CD2: variants seen among roughly 807,000 people sequenced by gnomAD.
CD2 encodes the protein T-cell surface antigen CD2.
A neutral mutation model predicts 23.2 loss-of-function variants in CD2; 18 were observed. The observed-to-expected ratio is 0.77, with a 90% CI of 0.54 to 1.15. The LOEUF is 1.15. Among genes scored for constraint, CD2 ranks in the 50% most tolerant of loss-of-function variants. The pLI is 0.00. For missense variants in CD2, 424 were observed against 423.1 expected (o/e 1.00, Z -0.02); for synonymous variants, 162 against 151.9 (o/e 1.07, Z -0.49).
chr1:116,759,349 G>A (rs891660949), intron 2 of CD2, among the ~76,000 whole-genome samples: 1 of 151,810 alleles, frequency 6.6e-6, no homozygotes, highest in Non-Finnish European at 1.5e-5. Flanking sequence ...TGAAAAATAA[G>A]CTAGTCCATC....
chr1:116,758,568 T>C (rs1354307128), intron 2 of CD2, among the ~76,000 whole-genome samples: 3 of 152,102 alleles, frequency 2.0e-5, no homozygotes, highest in Middle Eastern at 3.4e-3. Flanking sequence ...TGTAGAAATG[T>C]AGTGGGGTTG....
At chr1:116,762,275 T>A (rs1230740395) in intron 3 of CD2, among the ~76,000 whole-genome samples, 4 of 152,200 alleles carry the variant, frequency 2.6e-5, no homozygotes, top group Admixed American at 2.0e-4. Flanking sequence ...TTGCATTATA[T>A]CTGGCAACCC....
chr1:116,756,605 T>C (rs1438793987), intron 2 of CD2, among the ~76,000 whole-genome samples: 2 of 152,090 alleles, frequency 1.3e-5, no homozygotes, highest in African/African-American at 4.8e-5. Context: ...ATTGAGATAA[T>C]TCATCTACCA....
Position 116,754,547 on chromosome 1 carries a change from T to C in CD2, c.55T>C (p.Ser19Pro), listed in dbSNP as rs778816590. The change falls in exon 1 of 5, where the codon TCC (serine) becomes CCC (proline). Residue 19 changes from serine (S) to proline (P), a missense_variant. Transcript: ENST00000369478. ...CTTCCTTCTGATTTTCAATGTTTCT[T>C]CCAAAGGTAAGCATAAGAGTCAAAG... is the stretch of plus-strand genomic sequence containing the variant. ...ASFLLIFNVS[S>P]KGAVSKEITN... The C allele has an allele frequency of 4.3e-6, 7 of 1,614,050 alleles. No individual in the cohort carries two copies. The Admixed American group carries it at 1.2e-4, about 27-fold the overall frequency.
rs78307101 is a variant in CD2, at chr1:116,767,920, G to T, written c.737-544G>T. On this transcript the variant is annotated intron_variant, in intron 4 of 4. Coordinates refer to ENST00000369478, the MANE Select transcript of CD2 (RefSeq NM_001767.5). ...TTCCCTCCTAAGGCCAAGAACATAG[G>T]TCTTGAATTTCTGAGAAGCGAGTAA... 7.5e-3 allele frequency among the ~76,000 whole-genome samples: 1,139 copies of T among 152,278 alleles called. 16 individuals carry two copies. Among genetic ancestry groups the T allele is most frequent in the African/African-American group, 0.026 (1,065 of 41,572 alleles).
chr1:116,754,732 G>A lies in CD2; in HGVS notation c.163G>A (p.Asp55Asn). 6.2e-7 allele frequency: 1 copy of A among 1,613,444 alleles called. No homozygotes were observed. The highest frequency in any genetic ancestry group is 8.5e-7 in the Non-Finnish European group (1 of 1,179,686). ...TAGTTTTCAAATGAGTGATGATATT[G>A]ACGATATAAAATGGGAAAAAACTTC... ...IPSFQMSDDIDDIKWEKTSDK... is the reference protein window; with the variant it reads ...IPSFQMSDDINDIKWEKTSDK... Residue 55 changes from aspartate (D) to asparagine (N), a missense_variant, in exon 2 of 5, where the codon GAC (aspartate) becomes AAC (asparagine). Physicochemically the swap from Asp to Asn is conservative, Grantham distance 23. Coordinates refer to ENST00000369478, the MANE Select transcript of CD2 (RefSeq NM_001767.5).
intron 3 of CD2, among the ~76,000 whole-genome samples, chr1:116,760,841 G>T (rs750216698): frequency 5.3e-5 from 8 of 152,222 alleles, no homozygotes; most frequent in Non-Finnish European, 1.2e-4. Flanking sequence ...TCCTCCCACT[G>T]AGCACAATTT....
Position 116,759,521 on chromosome 1 carries a change from G to A in CD2, c.383-881G>A, listed in dbSNP as rs188202904. Among the ~76,000 whole-genome samples, 201 of 152,286 alleles carry A rather than the reference G, an allele frequency of 1.3e-3. 3 individuals are homozygous for A. The highest frequency in any genetic ancestry group is 4.1e-4 in the South Asian group (2 of 4,828). ...GTAGACCTGAGCCATCTAATGCTAG[G>A]CCTAGGCATTTTCCTTTTGTGGTGC... On this transcript the variant is annotated intron_variant, in intron 2 of 4. Coordinates refer to ENST00000369478, the MANE Select transcript of CD2 (RefSeq NM_001767.5).
chr1:116,762,853 G>A (rs1001486574), intron 3 of CD2, among the ~76,000 whole-genome samples: 4 of 152,214 alleles, frequency 2.6e-5, no homozygotes, highest in Non-Finnish European at 5.9e-5. Context: ...GGACAAACTG[G>A]AGAGCAGGCT....
intron 2 of CD2, among the ~76,000 whole-genome samples, chr1:116,756,394 C>T (rs1326840017): frequency 9.9e-5 from 15 of 152,206 alleles, no homozygotes; most frequent in African/African-American, 3.4e-4. Flanking sequence ...CAAGTGCTTG[C>T]TTACATGATC....
At chr1:116,764,410 C>A in intron 3 of CD2, 74 bp from the exon 4 acceptor site, 2 of 1,563,800 alleles carry the variant, frequency 1.3e-6, no homozygotes, top group Non-Finnish European at 8.6e-7. Context: ...ATGCAGGAGG[C>A]AGCATCCTTG....
At chr1:116,756,879 A>G (rs1322598733) in intron 2 of CD2, among the ~76,000 whole-genome samples, 4 of 152,142 alleles carry the variant, frequency 2.6e-5, no homozygotes, top group Non-Finnish European at 5.9e-5. Context: ...GACAACTTCA[A>G]GGGATATTCA....
At position 116,754,568 on chromosome 1, in the gene CD2, C is replaced by T; in HGVS notation, c.61+15C>T. On this transcript the variant is annotated intron_variant, in intron 1 of 4. Coordinates refer to ENST00000369478, the MANE Select transcript of CD2 (RefSeq NM_001767.5). ...TTCTTCCAAAGGTAAGCATAAGAGT[C>T]AAAGAAGTCCCAACCCAGCTTTCCC... 6.2e-7 allele frequency: 1 copy of T among 1,612,194 alleles called. No individual in the cohort carries two copies. Among genetic ancestry groups the T allele is most frequent in the Non-Finnish European group, 8.5e-7 (1 of 1,179,376 alleles).
At chr1:116,766,789 G>A (rs1433012873) in intron 4 of CD2, among the ~76,000 whole-genome samples, 1 of 152,028 alleles carries the variant, frequency 6.6e-6, no homozygotes. Flanking sequence ...TTTCAGCCCG[G>A]GAGATCAAGA....
intron 2 of CD2, 42 bp from the exon 3 acceptor site, chr1:116,760,360 G>GA: frequency 6.5e-7 from 1 of 1,537,816 alleles, no homozygotes; most frequent in Non-Finnish European, 9.0e-7. Context: ...ATTAAAATCA[G>GA]AAAATTGCCT....
chr1:116,767,674 C>T (rs810048), intron 4 of CD2, among the ~76,000 whole-genome samples: 36,277 of 151,738 alleles, frequency 0.24, 7,162 homozygotes, highest in African/African-American at 0.54. Context: ...ACTGCAAAGA[C>T]GGCCTTGGGT....
At chr1:116,756,117 C>T (rs1445297555) in intron 2 of CD2, among the ~76,000 whole-genome samples, 1 of 152,134 alleles carries the variant, frequency 6.6e-6, no homozygotes, top group Non-Finnish European at 1.5e-5. Context: ...CAGACACTGT[C>T]AGCTCCCCTG....
chr1:116,755,658 T>C (rs1251239140), intron 2 of CD2, among the ~76,000 whole-genome samples: 1 of 152,094 alleles, frequency 6.6e-6, no homozygotes, highest in East Asian at 1.9e-4. Context: ...GCATGCGGCC[T>C]GGGTATCATT....
chr1:116,760,111 G>T (rs1157602578), intron 2 of CD2, among the ~76,000 whole-genome samples: 5 of 152,156 alleles, frequency 3.3e-5, no homozygotes, highest in Admixed American at 6.5e-5. Context: ...GTCTGTTAGG[G>T]TTAAGTGATG....
Sources: allele counts gnomAD v4.1 joint callset (sites outside exome capture counted in the v4.1 genomes callset), GRCh38; gene constraint gnomAD v4.1.1; transcripts MANE v1.5; gene names NCBI Gene and HGNC (gene_info 2026-07-23, HGNC 2026-07-21).